PPIE: variants seen among roughly 807,000 people sequenced by gnomAD.
The protein encoded by PPIE is peptidylprolyl isomerase E, also known as peptidyl-prolyl cis-trans isomerase E.
A neutral mutation model predicts 38.4 loss-of-function variants in PPIE; 20 were observed. That is an observed-to-expected ratio of 0.52 (90% CI 0.37 to 0.76). The LOEUF is 0.76. Ranked by LOEUF, PPIE falls within the 30% of genes least tolerant of loss-of-function variation. PPIE has a pLI of 0.00. For synonymous variants in PPIE, 142 were observed against 135.7 expected (o/e 1.05, Z -0.32); for missense variants, 322 against 385.8 (o/e 0.83, Z 1.39).
downstream of PPIE, chr1:39,760,428 G>C: frequency 1.2e-6 from 2 of 1,613,952 alleles, no homozygotes; most frequent in Non-Finnish European, 1.7e-6. Context: ...CTCAGTGGCA[G>C]CCGCAGGCCT....
chr1:39,760,316 G>A, downstream of PPIE: 2 of 1,536,030 alleles, frequency 1.3e-6, no homozygotes, highest in African/African-American at 1.4e-5. Context: ...GTCCTCCCTG[G>A]CAATGCCCCG....
At chr1:39,759,706 G>C (rs570949944), downstream of PPIE, 5 of 152,338 alleles carry the variant, frequency 3.3e-5, no homozygotes, top group Admixed American at 2.0e-4. Flanking sequence ...AGATTTTTCT[G>C]TTTCTCCAAA....
At chr1:39,741,455 G>T (rs1413270391) in intron 3 of PPIE, 46 bp downstream of exon 3, 1 of 1,591,806 alleles carries the variant, frequency 6.3e-7, no homozygotes, top group African/African-American at 1.3e-5. Flanking sequence ...TTGTGATGTT[G>T]TTACTGATTA....
intron 9 of PPIE, among the ~76,000 whole-genome samples, chr1:39,761,870 C>T (rs1014624689): frequency 5.9e-5 from 9 of 152,372 alleles, no homozygotes; most frequent in Non-Finnish European, 8.8e-5. Flanking sequence ...CCGACAGCCT[C>T]CCCTAGAGCG....
In PPIE at chr1:39,744,721, C is replaced by T. The variant is rs1647150267; in HGVS notation, c.385-654C>T. The stretch of plus-strand genomic sequence containing the variant: ...TTCTCAATCTTGGCTAATTTGCCAC[C>T]ATTCATCCACACATTGACCCACGCC... On this transcript the variant is annotated intron_variant, in intron 6 of 9. Transcript: ENST00000324379. Among the ~76,000 whole-genome samples the T allele has an allele frequency of 2.6e-5, 4 of 152,208 alleles. 1 individual carries two copies. In the South Asian group the frequency reaches 8.3e-4, roughly 32 times the overall value.
At chr1:39,760,292 A>C, downstream of PPIE, 1 of 1,418,632 alleles carries the variant, frequency 7.0e-7, no homozygotes, top group Non-Finnish European at 9.5e-7. Context: ...AGGGTCATGT[A>C]CGTGGTTGTG....
At chr1:39,757,560 T>TG (rs1648414551), downstream of PPIE, 1 of 152,292 alleles carries the variant, frequency 6.6e-6, no homozygotes, top group Admixed American at 6.5e-5. Context: ...CCAAGACTGC[T>TG]GGGCATTCCT....
chr1:39,742,486 CTTTCTTTTTTTTTTTTTT>C (rs1278437854), intron 4 of PPIE: 3 of 98,970 alleles, frequency 3.0e-5, no homozygotes, highest in African/African-American at 7.7e-5. Context: ...ACTTTTCTTT[CTTTCTTTTTTTTTTTTTT>C]TTTTTTTTTA....
At chr1:39,752,779 G>T in intron 8 of PPIE, 131 bp from the exon 9 acceptor site, 1 of 1,020,984 alleles carries the variant, frequency 9.8e-7, no homozygotes, top group Non-Finnish European at 1.4e-6. Flanking sequence ...TAAGGTGGCC[G>T]CATTTGCATG....
At chr1:39,743,072 T>G in intron 4 of PPIE, 144 bp from the exon 5 acceptor site, 1 of 639,568 alleles carries the variant, frequency 1.6e-6, no homozygotes, top group Non-Finnish European at 2.7e-6. Flanking sequence ...ACAGGTGGCT[T>G]TGGGGTGGCT....
chr1:39,744,594 T>G (rs1045575888), intron 6 of PPIE, among the ~76,000 whole-genome samples: 3 of 152,360 alleles, frequency 2.0e-5, no homozygotes, highest in Admixed American at 6.5e-5. Context: ...TCATGGTCTC[T>G]TTCTAGTCCT....
At chr1:39,746,717 T>G (rs151132713) in intron 7 of PPIE, 2 of 152,364 alleles carry the variant, frequency 1.3e-5, no homozygotes, top group African/African-American at 4.8e-5. Flanking sequence ...TTGAGTTGCT[T>G]CTTGGCTTTT....
At chr1:39,763,104 G>A in intron 9 of PPIE, 2 of 1,613,996 alleles carry the variant, frequency 1.2e-6, no homozygotes, top group Non-Finnish European at 8.5e-7. Flanking sequence ...GGGACTGCAG[G>A]ATGGCGTGGT....
chr1:39,761,103 G>C (rs185039296), downstream of PPIE: 1 of 155,480 alleles, frequency 6.4e-6, no homozygotes, highest in African/African-American at 2.4e-5. Context: ...GCACGTGCCC[G>C]CACCTCTCCA....
chr1:39,763,160 C>A (rs1163938040), intron 9 of PPIE: 1 of 1,613,924 alleles, frequency 6.2e-7, no homozygotes, highest in Non-Finnish European at 8.5e-7. Context: ...CACTCCCCCT[C>A]ACAGTAATAG....
chr1:39,739,113 C>T (rs1470851518), intron 1 of PPIE, 182 bp downstream of exon 1: 4 of 580,638 alleles, frequency 6.9e-6, no homozygotes, highest in Non-Finnish European at 1.0e-5. Flanking sequence ...TCCCACTGTC[C>T]TCAGGAAAAA....
In PPIE at chr1:39,755,584, T is replaced by G; in HGVS notation, c.*2229T>G. The G allele has an allele frequency of 2.0e-6, 2 of 985,404 alleles. No homozygotes were observed. The highest frequency in any genetic ancestry group is 1.2e-6 in the Non-Finnish European group (1 of 829,914). 61.0% of individuals were successfully genotyped at this position (985,404 alleles called of 1,614,324 possible). A position where few individuals can be genotyped will look rare whatever the true frequency, so the allele number is the denominator to read the frequency against. On this transcript the variant is annotated 3_prime_UTR_variant, in exon 10 of 10. Transcript: ENST00000324379. ...TCTATGAAGCTGGGGATGATAGCAC[T>G]GACTTCAGTGCTTGGACGAGAACCA... is the stretch of plus-strand genomic sequence containing the variant.
intron 1 of PPIE, 166 bp downstream of exon 1, chr1:39,739,097 A>G (rs1367815973): frequency 1.0e-5 from 7 of 670,808 alleles, no homozygotes; most frequent in Non-Finnish European, 1.5e-5. Context: ...AACTCCTTCC[A>G]AGGTTTCCCA....
chr1:39,745,073 C>G (rs963629428), intron 6 of PPIE, among the ~76,000 whole-genome samples: 6 of 152,160 alleles, frequency 3.9e-5, no homozygotes, highest in African/African-American at 7.2e-5. Context: ...AAGTGCTGTT[C>G]TGTGACTGTG....
Sources: allele counts gnomAD v4.1 joint callset (sites outside exome capture counted in the v4.1 genomes callset), GRCh38; gene constraint gnomAD v4.1.1; transcripts MANE v1.5; gene names NCBI Gene and HGNC (gene_info 2026-07-23, HGNC 2026-07-21).